Variants in CTNNA2 observed in about 807,000 individuals in gnomAD.
The protein encoded by CTNNA2 is catenin alpha-2.
Under a neutral mutation model 101.0 loss-of-function variants are expected in CTNNA2, and 42 were observed. The ratio of observed to expected loss-of-function variants is 0.42; its 90% confidence interval spans 0.32 to 0.54. The LOEUF (loss-of-function observed/expected upper bound fraction) is 0.54. Ranked by LOEUF, CTNNA2 falls within the 20% of genes least tolerant of loss-of-function variation. CTNNA2 has a pLI of 0.14. For missense variants in CTNNA2, 871 were observed against 1,223.1 expected, an observed-to-expected ratio of 0.71 and a Z score of 4.29; for synonymous variants, 450 against 456.4, an observed-to-expected ratio of 0.99 and a Z score of 0.18.
chr2:79,584,399 T>C (rs1483803866), intron 1 of CTNNA2, among the ~76,000 whole-genome samples: 2 of 152,204 alleles, frequency 1.3e-5, no homozygotes. Context: ...TTAGTGTCAT[T>C]ATGAATTCCT....
At chr2:80,197,779 T>G (rs1706929383) in intron 7 of CTNNA2, among the ~76,000 whole-genome samples, 1 of 152,314 alleles carries the variant, frequency 6.6e-6, no homozygotes, top group Middle Eastern at 3.4e-3. Flanking sequence ...TGTAGACAAG[T>G]CTCAGTAATT....
intron 1 of CTNNA2, among the ~76,000 whole-genome samples, chr2:79,565,160 A>G (rs1199035194): frequency 6.6e-6 from 1 of 152,012 alleles, no homozygotes. Flanking sequence ...CTTTCTCCTT[A>G]GCTAAAAGCC....
chr2:79,401,014 T>A (rs1678284497), intron 4 of CTNNA2, among the ~76,000 whole-genome samples: 1 of 151,808 alleles, frequency 6.6e-6, no homozygotes, highest in South Asian at 2.1e-4. Flanking sequence ...AAACTATTTT[T>A]CAAAAATAAT....
At chr2:80,512,149 CAA>C (rs59359924) in intron 9 of CTNNA2, among the ~76,000 whole-genome samples, 2,217 of 73,278 alleles carry the variant, frequency 0.03, 13 homozygotes, top group Middle Eastern at 0.055. Flanking sequence ...CACTCTGTCT[CAA>C]AAAAAAAAAA....
At chr2:80,548,084 G>A (rs1692251245) in intron 11 of CTNNA2, among the ~76,000 whole-genome samples, 1 of 152,148 alleles carries the variant, frequency 6.6e-6, no homozygotes, top group Non-Finnish European at 1.5e-5. Flanking sequence ...CTCTCATAAG[G>A]TATTTGGAAA....
chr2:80,480,685 T>C (rs1686076442), intron 9 of CTNNA2, among the ~76,000 whole-genome samples: 2 of 152,164 alleles, frequency 1.3e-5, no homozygotes, highest in South Asian at 4.1e-4. Flanking sequence ...ATTAGGATGC[T>C]CTGTTGATTG....
rs138353876 is a variant in CTNNA2, at chr2:79,526,647, A to C, written c.-6+13440A>C. On this transcript the variant is annotated intron_variant, in intron 1 of 18. Coordinates refer to ENST00000402739, the MANE Select transcript of CTNNA2 (RefSeq NM_001282597.3). Reference sequence around the variant, plus strand: ...TAGGCATTTATTTTACTGGAATAGAATTGAGCATTCCGAAATAAACCCATA... The same window carrying C: ...TAGGCATTTATTTTACTGGAATAGACTTGAGCATTCCGAAATAAACCCATA... 2.9e-4 allele frequency among the ~76,000 whole-genome samples: 44 copies of C among 152,240 alleles called. 1 individual carries two copies. The East Asian group carries it at 7.9e-3, about 27-fold the overall frequency.
intron 6 of CTNNA2, among the ~76,000 whole-genome samples, chr2:79,905,134 T>C (rs1188832804): frequency 6.6e-6 from 1 of 152,128 alleles, no homozygotes; most frequent in Non-Finnish European, 1.5e-5. Context: ...TGCCACTCCA[T>C]AAACTGTAAG....
intron 7 of CTNNA2, among the ~76,000 whole-genome samples, chr2:79,928,417 A>G: frequency 6.6e-6 from 1 of 152,206 alleles, no homozygotes; most frequent in East Asian, 1.9e-4. Context: ...CTGTACCTTC[A>G]AGGAAATTAT....
At chr2:79,804,562 T>A (rs1474253749) in intron 3 of CTNNA2, among the ~76,000 whole-genome samples, 1 of 152,160 alleles carries the variant, frequency 6.6e-6, no homozygotes, top group Non-Finnish European at 1.5e-5. Flanking sequence ...AGAGCCTGAG[T>A]GGGGAAAATT....
intron 7 of CTNNA2, among the ~76,000 whole-genome samples, chr2:79,927,700 G>T (rs1249400178): frequency 1.3e-5 from 2 of 152,056 alleles, no homozygotes; most frequent in African/African-American, 4.8e-5. Context: ...TCATATATTA[G>T]GTTTTGATCA....
At chr2:79,238,520 C>T (rs577553267) in intron 2 of CTNNA2, among the ~76,000 whole-genome samples, 1 of 152,262 alleles carries the variant, frequency 6.6e-6, no homozygotes, top group East Asian at 1.9e-4. Flanking sequence ...TTGCTTGATT[C>T]AGGATTGCCA....
chr2:79,989,607 G>C (rs1202188760), intron 7 of CTNNA2, among the ~76,000 whole-genome samples: 1 of 152,160 alleles, frequency 6.6e-6, no homozygotes, highest in Non-Finnish European at 1.5e-5. Context: ...CTGCACTCCA[G>C]CCTGGTCTGG....
chr2:79,194,490 GAC>G (rs1458191557), intron 1 of CTNNA2, among the ~76,000 whole-genome samples: 2 of 152,200 alleles, frequency 1.3e-5, no homozygotes, highest in Non-Finnish European at 2.9e-5. Context: ...TCTCTGGCAA[GAC>G]ACACCCAATT....
intron 7 of CTNNA2, among the ~76,000 whole-genome samples, chr2:80,369,829 G>A (rs1289777065): frequency 1.3e-5 from 2 of 152,136 alleles, no homozygotes; most frequent in Non-Finnish European, 2.9e-5. Context: ...AATGAGCCAA[G>A]AAAGTGGGCT....
intron 3 of CTNNA2, among the ~76,000 whole-genome samples, chr2:79,800,134 A>C (rs1366849710): frequency 6.6e-6 from 1 of 152,236 alleles, no homozygotes; most frequent in Non-Finnish European, 1.5e-5. Context: ...AAAATACAAG[A>C]GAACTCTTTA....
chr2:79,688,152 A>C (rs2104683426), intron 2 of CTNNA2, among the ~76,000 whole-genome samples: 1 of 152,222 alleles, frequency 6.6e-6, no homozygotes, highest in East Asian at 1.9e-4. Context: ...CAGTTGGCAG[A>C]AACAAATTTT....
intron 7 of CTNNA2, among the ~76,000 whole-genome samples, chr2:80,230,256 C>CTTTTT (rs1430035888): frequency 1.1e-4 from 11 of 103,656 alleles, no homozygotes; most frequent in African/African-American, 4.5e-4. Flanking sequence ...CTTTTTTTTT[C>CTTTTT]TTTGTTTTTT....
At chr2:80,405,293 T>A (rs1352688431) in intron 8 of CTNNA2, among the ~76,000 whole-genome samples, 2 of 152,112 alleles carry the variant, frequency 1.3e-5, no homozygotes, top group African/African-American at 4.8e-5. Flanking sequence ...CCGAGTAGAG[T>A]ATTGAAATTC....
Sources: gnomAD v4.1 joint callset for allele counts (sites outside exome capture counted in the v4.1 genomes callset) on GRCh38, gnomAD v4.1.1 for gene constraint, MANE v1.5 for transcripts, NCBI Gene and HGNC (gene_info 2026-07-23, HGNC 2026-07-21) for gene names.